The following SETBP1 variants were observed in gnomAD, a reference collection of about 807,000 sequenced individuals.
SETBP1 encodes the protein SET-binding protein.
In SETBP1, 9 loss-of-function variants were observed where a neutral mutation model predicts 101.0. The observed-to-expected ratio is 0.09, with a 90% CI of 0.05 to 0.16. The LOEUF (loss-of-function observed/expected upper bound fraction) is 0.16, where lower values mean the gene tolerates loss of function less well. Ranked by LOEUF, SETBP1 falls within the 10% of genes least tolerant of loss-of-function variation. The pLI is 1.00. For synonymous variants in SETBP1, 818 were observed against 788.5 expected (o/e 1.04, Z -0.63); for missense variants, 1,858 against 2,033.8 (o/e 0.91, Z 1.66).
chr18:44,910,994 C>A (rs147404305), intron 3 of SETBP1, among the ~76,000 whole-genome samples: 2 of 152,254 alleles, frequency 1.3e-5, no homozygotes, highest in African/African-American at 4.8e-5. Flanking sequence ...GATTTTCATA[C>A]CCCCTTGTGT....
chr18:45,000,777 C>A (rs1306344394), intron 4 of SETBP1, among the ~76,000 whole-genome samples: 1 of 133,140 alleles, frequency 7.5e-6, no homozygotes, highest in Non-Finnish European at 1.6e-5. Context: ...AGCCATACAT[C>A]AACGGGAATG....
chr18:44,817,886 G>T (rs960747430), intron 2 of SETBP1, among the ~76,000 whole-genome samples: 22 of 152,124 alleles, frequency 1.4e-4, no homozygotes, highest in African/African-American at 5.1e-4. Flanking sequence ...TGGGAACAAT[G>T]GGCAACCAGA....
chr18:44,978,980 G>T (rs2072052261), intron 4 of SETBP1, among the ~76,000 whole-genome samples: 1 of 152,182 alleles, frequency 6.6e-6, no homozygotes, highest in Non-Finnish European at 1.5e-5. Flanking sequence ...TCTCACAAGG[G>T]GCTGACCCAG....
At position 44,869,242 on chromosome 18, in the gene SETBP1, A is replaced by C; in HGVS notation, c.499A>C (p.Ser167Arg). The C allele has an allele frequency of 6.2e-7, 1 of 1,613,992 alleles. No individual in the cohort carries two copies. ...TATTCTTTTGCAGCTCCTCACAGCCAGTGACCTTGCAGCCAGTGACCTCAA... is the reference window on the plus strand; with the variant it reads ...TATTCTTTTGCAGCTCCTCACAGCCCGTGACCTTGCAGCCAGTGACCTCAA... ...SHSKKKLLTA[S>R]DLAASDLKGF... Residue 167 changes from serine (S) to arginine (R), a missense_variant, in exon 3 of 6, where the codon AGT (serine) becomes CGT (arginine). By Grantham distance (110) the Ser-to-Arg change is moderately radical (BLOSUM62 -1). This residue lies in a region of SETBP1 where 581 missense variants were observed against 535.1 expected (regional missense o/e 1.09). Transcript: ENST00000649279.
chr18:44,925,007 GTTTTTTTTT>G lies in SETBP1; in HGVS notation c.541-24854_541-24846del, dbSNP rs60718477. On this transcript the variant is annotated intron_variant, in intron 3 of 5. Transcript: ENST00000649279. ...CTTTTTCCTTCTTGATCCTGTGTGA[GTTTTTTTTT>G]TTTTTTTTTTTTTTTTTTTCACGAG... Among the ~76,000 whole-genome samples the G allele has an allele frequency of 6.5e-5, 3 of 45,990 alleles. No individual in the cohort carries two copies. The East Asian group carries it at 2.7e-3, about 42-fold the overall frequency. The allele number at this position is 45,990 out of a possible 152,430, so 30.2% of individuals were successfully genotyped here.
chr18:45,045,493 A>G (rs546358278), intron 5 of SETBP1, among the ~76,000 whole-genome samples: 2 of 151,290 alleles, frequency 1.3e-5, no homozygotes, highest in Non-Finnish European at 2.9e-5. Flanking sequence ...AAGCCGAACA[A>G]GGGCACATTT....
At chr18:44,787,803 G>A (rs1340425069) in intron 2 of SETBP1, among the ~76,000 whole-genome samples, 3 of 118,398 alleles carry the variant, frequency 2.5e-5, no homozygotes, top group South Asian at 3.2e-4. Flanking sequence ...GCAGTGAGCC[G>A]AGATTGCGCC....
In SETBP1 at chr18:45,038,621, T is replaced by C; in HGVS notation, c.4137T>C (p.Ser1379=). Residue 1379 remains serine, a synonymous_variant, in exon 5 of 6, where the codon TCT becomes TCC. Transcript: ENST00000649279. ...SVTIPPAPVL[S]LLAASAATSD... ...CAATTCCACCAGCCCCAGTGTTATC[T>C]CTCCTTGCTGCATCTGCAGCAACGT... 1 of 1,614,136 alleles carries C rather than the reference T, an allele frequency of 6.2e-7. No homozygotes were observed. The highest frequency in any genetic ancestry group is 8.5e-7 in the Non-Finnish European group (1 of 1,180,004).
chr18:44,692,764 C>A (rs1402337923), intron 1 of SETBP1, among the ~76,000 whole-genome samples: 1 of 152,154 alleles, frequency 6.6e-6, no homozygotes, highest in Non-Finnish European at 1.5e-5. Flanking sequence ...CCAATTCTTG[C>A]AGGATAACAA....
intron 2 of SETBP1, among the ~76,000 whole-genome samples, chr18:44,718,509 A>G (rs2069516133): frequency 6.6e-6 from 1 of 152,138 alleles, no homozygotes; most frequent in Non-Finnish European, 1.5e-5. Flanking sequence ...GCTGAATGGA[A>G]CCAGGATGGC....
intron 4 of SETBP1, among the ~76,000 whole-genome samples, chr18:45,033,809 G>A (rs911976756): frequency 1.3e-5 from 2 of 152,126 alleles, no homozygotes; most frequent in Non-Finnish European, 2.9e-5. Context: ...GCAGAACAAA[G>A]AACCAACTGG....
chr18:44,997,759 A>T (rs995419205), intron 4 of SETBP1, among the ~76,000 whole-genome samples: 2 of 152,192 alleles, frequency 1.3e-5, no homozygotes, highest in African/African-American at 4.8e-5. Context: ...CTTTGCATTA[A>T]TTAGGATCAT....
intron 4 of SETBP1, among the ~76,000 whole-genome samples, chr18:45,002,576 T>A (rs78644245): frequency 0.016 from 2,371 of 152,260 alleles, 52 homozygotes; most frequent in African/African-American, 0.053. Context: ...ATCTTTTATA[T>A]TTATATTTTT....
chr18:44,970,947 A>G (rs919251873), intron 4 of SETBP1, among the ~76,000 whole-genome samples: 1 of 151,848 alleles, frequency 6.6e-6, no homozygotes, highest in African/African-American at 2.4e-5. Context: ...TACATGTGCC[A>G]TGTTGGTGTG....
At chr18:44,848,833 G>C (rs1318000220) in intron 2 of SETBP1, among the ~76,000 whole-genome samples, 1 of 152,182 alleles carries the variant, frequency 6.6e-6, no homozygotes, top group Admixed American at 6.5e-5. Flanking sequence ...TTTCTCCAAG[G>C]ATGGGGCCAG....
intron 2 of SETBP1, among the ~76,000 whole-genome samples, chr18:44,825,509 A>T (rs2072218718): frequency 6.6e-6 from 1 of 152,250 alleles, no homozygotes; most frequent in African/African-American, 2.4e-5. Flanking sequence ...GAGCAGTTTT[A>T]AAAAAGACAA....
chr18:45,055,748 G>A (rs1473658042), intron 5 of SETBP1, among the ~76,000 whole-genome samples: 1 of 152,088 alleles, frequency 6.6e-6, no homozygotes, highest in Non-Finnish European at 1.5e-5. Flanking sequence ...CAAGATTTTT[G>A]TTGAAACTTG....
chr18:44,890,149 A>G (rs923769423), intron 3 of SETBP1, among the ~76,000 whole-genome samples: 8 of 152,128 alleles, frequency 5.3e-5, no homozygotes, highest in African/African-American at 1.7e-4. Context: ...CAAGGATACC[A>G]TGCCTTGTTA....
intron 2 of SETBP1, among the ~76,000 whole-genome samples, chr18:44,712,997 C>T (rs1713962295): frequency 1.5e-5 from 2 of 137,346 alleles, no homozygotes; most frequent in South Asian, 2.3e-4. Context: ...CTTGCTCTGT[C>T]GCCCAGACTG....
Sources: allele counts gnomAD v4.1 joint callset (sites outside exome capture counted in the v4.1 genomes callset), GRCh38; gene constraint gnomAD v4.1.1; regional missense constraint gnomAD v4.1.1; transcripts MANE v1.5; gene names NCBI Gene and HGNC (gene_info 2026-07-23, HGNC 2026-07-21).